The following CD44 variants were observed in gnomAD, a reference collection of about 807,000 sequenced individuals.
The protein encoded by CD44 is CD44 molecule (IN blood group).
A neutral mutation model predicts 88.8 loss-of-function variants in CD44; 49 were observed. The observed-to-expected ratio is 0.55, with a 90% CI of 0.44 to 0.70. The LOEUF is 0.70. Ranked by LOEUF, CD44 falls within the 30% of genes least tolerant of loss-of-function variation. The pLI, the probability that CD44 is intolerant of heterozygous loss-of-function variation, is 0.00. For synonymous variants in CD44, 325 were observed against 312.3 expected, an observed-to-expected ratio of 1.04 and a Z score of -0.43; for missense variants, 883 against 913.8, an observed-to-expected ratio of 0.97 and a Z score of 0.43.
chr11:35,181,935 A>G lies in CD44; in HGVS notation c.367+1528A>G, dbSNP rs376287208. On this transcript the variant is annotated intron_variant, in intron 3 of 17. Transcript: ENST00000428726. ...TATATTATATATTATATTATATATA[A>G]ATTATATATAATATATATAAATTTT... Among the ~76,000 whole-genome samples, 274 of 46,908 alleles carry G rather than the reference A, an allele frequency of 5.8e-3. 9 individuals are homozygous for G. The highest frequency in any genetic ancestry group is 0.024 in the African/African-American group (267 of 11,188). 30.8% of individuals were successfully genotyped at this position (46,908 alleles called of 152,430 possible). A position where few individuals can be genotyped will look rare whatever the true frequency, so the allele number is the denominator to read the frequency against.
At chr11:35,182,045 A>T (rs1945191811) in intron 3 of CD44, among the ~76,000 whole-genome samples, 1 of 132,648 alleles carries the variant, frequency 7.5e-6, no homozygotes. Flanking sequence ...ACATTTATAT[A>T]TATAAAATCA....
intron 14 of CD44, among the ~76,000 whole-genome samples, chr11:35,214,412 G>C (rs1158528019): frequency 6.6e-6 from 1 of 152,016 alleles, no homozygotes; most frequent in Non-Finnish European, 1.5e-5. Context: ...CATGCCCTAA[G>C]CCAGAGTATG....
chr11:35,220,316 A>T (rs766979053), intron 16 of CD44, among the ~76,000 whole-genome samples: 5 of 152,166 alleles, frequency 3.3e-5, no homozygotes, highest in Non-Finnish European at 7.4e-5. Context: ...GCTGGAAACC[A>T]GGGCCACAGT....
chr11:35,156,353 T>C (rs541147347), intron 1 of CD44, among the ~76,000 whole-genome samples: 2 of 152,168 alleles, frequency 1.3e-5, no homozygotes, highest in South Asian at 4.1e-4. Flanking sequence ...TAAATATAGT[T>C]AAAGGATTTG....
chr11:35,201,139 G>A lies in CD44; in HGVS notation c.980G>A (p.Trp327Ter), dbSNP rs766295362. The A allele has an allele frequency of 4.3e-6, 7 of 1,614,086 alleles. No individual in the cohort carries two copies. Among genetic ancestry groups the A allele is most frequent in the Non-Finnish European group, 4.2e-6 (5 of 1,179,952 alleles). ...HTKQNQDWTQ[W>*]NPSHSNPEVL... is the part of the protein sequence containing the mutation. ...AAACAGAACCAGGACTGGACCCAGT[G>A]GAACCCAAGCCATTCAAATCCGGAA... The change falls in exon 8 of 18, where the codon TGG (tryptophan) becomes TAG (stop). Residue 327 changes from tryptophan (W) to a stop codon, truncating the protein, a stop_gained. Transcript: ENST00000428726. LOFTEE classifies it high-confidence loss of function.
intron 1 of CD44, among the ~76,000 whole-genome samples, chr11:35,162,378 T>A (rs1942737144): frequency 6.6e-6 from 1 of 152,192 alleles, no homozygotes; most frequent in Non-Finnish European, 1.5e-5. Flanking sequence ...CAAGACCTTA[T>A]TTTCTTTGAC....
intron 3 of CD44, among the ~76,000 whole-genome samples, chr11:35,183,555 C>G (rs930849300): frequency 2.0e-5 from 3 of 152,266 alleles, no homozygotes; most frequent in African/African-American, 4.8e-5. Context: ...TGTGATCCCC[C>G]CCATAAAACG....
rs1041906867 is a variant in CD44, at chr11:35,176,501, G to A, written c.68-74G>A. 2.9e-5 allele frequency: 42 copies of A among 1,440,514 alleles called. 1 individual carries two copies. The highest frequency in any genetic ancestry group is 3.8e-5 in the Non-Finnish European group (40 of 1,047,652). The allele number at this position is 1,440,514 out of a possible 1,614,324, so 89.2% of individuals were successfully genotyped here. On this transcript the variant is annotated intron_variant, in intron 1 of 17. Transcript: ENST00000428726. ...CCTTATTTGACTTTTTAAGGAGTCT[G>A]TCCTAAACTGAACTTATTACTGTCT...
At chr11:35,152,012 C>T (rs1238594408) in intron 1 of CD44, among the ~76,000 whole-genome samples, 1 of 152,202 alleles carries the variant, frequency 6.6e-6, no homozygotes, top group Non-Finnish European at 1.5e-5. Context: ...ATGCCTCACC[C>T]GTGGTGGCGA....
intron 10 of CD44, among the ~76,000 whole-genome samples, chr11:35,205,154 T>TA (rs1294441962): frequency 6.6e-6 from 1 of 152,152 alleles, no homozygotes; most frequent in African/African-American, 2.4e-5. Context: ...TTTTTGAGTA[T>TA]AAAAAAGGTA....
intron 16 of CD44, among the ~76,000 whole-genome samples, chr11:35,220,275 T>C (rs1949185420): frequency 6.6e-6 from 1 of 152,066 alleles, no homozygotes; most frequent in African/African-American, 2.4e-5. Flanking sequence ...TCTTCCCAGC[T>C]CCAGTGACAG....
intron 1 of CD44, among the ~76,000 whole-genome samples, chr11:35,146,390 C>A (rs1455036565): frequency 6.6e-6 from 1 of 152,192 alleles, no homozygotes; most frequent in East Asian, 1.9e-4. Flanking sequence ...CCTGAAAGTT[C>A]ATTTGTTTTT....
Position 35,152,302 on chromosome 11 carries a change from G to A in CD44, c.67+12932G>A, listed in dbSNP as rs117248695. The stretch of plus-strand genomic sequence containing the variant: ...AGTTTCCCACTACTCATCCCCAAGG[G>A]AAAAAGTAGGCTAGCTACCTGGGCA... On this transcript the variant is annotated intron_variant, in intron 1 of 17. Transcript: ENST00000428726. Among the ~76,000 whole-genome samples the A allele has an allele frequency of 9.8e-3, 1,489 of 152,202 alleles. 11 individuals carry two copies. Among genetic ancestry groups the A allele is most frequent in the Non-Finnish European group, 0.016 (1,111 of 67,998 alleles).
In CD44 at chr11:35,169,635, A is replaced by G. The variant is rs190006874; in HGVS notation, c.68-6940A>G. Among the ~76,000 whole-genome samples the G allele has an allele frequency of 2.6e-5, 4 of 152,360 alleles. No homozygotes were observed. In the East Asian group the frequency reaches 5.8e-4, roughly 22 times the overall value. ...TTACACAGTGCTCTCTTCCCAGCAC[A>G]TGTTGTGATTTTCTACAACTTCAGA... On this transcript the variant is annotated intron_variant, in intron 1 of 17. Coordinates refer to ENST00000428726, the MANE Select transcript of CD44 (RefSeq NM_000610.4).
At chr11:35,219,147 G>T in intron 15 of CD44, 169 bp from the exon 16 acceptor site, 2 of 610,908 alleles carry the variant, frequency 3.3e-6, no homozygotes, top group Non-Finnish European at 5.9e-6. Context: ...AATCAAATGA[G>T]GTGGGGGGGA....
In CD44 at chr11:35,198,216, G is replaced by A. The variant is rs1946949050; in HGVS notation, c.892G>A (p.Asp298Asn). 1 of 1,613,886 alleles carries A rather than the reference G, an allele frequency of 6.2e-7. No individual in the cohort carries two copies. Among genetic ancestry groups the A allele is most frequent in the South Asian group, 1.1e-5 (1 of 91,072 alleles). The change falls in exon 7 of 18, where the codon GAT becomes AAT. Residue 298 changes from aspartate to asparagine, a missense_variant. Physicochemically the swap from Asp to Asn is conservative, Grantham distance 23. Transcript: ENST00000428726. ...CCTCAGTTTTTCTGGATCAGGCATT[G>A]ATGATGATGAAGATTTTATCTCCAG... ...RHLSFSGSGIDDDEDFISSTI... is the reference protein window; with the variant it reads ...RHLSFSGSGINDDEDFISSTI...
chr11:35,194,726 C>T (rs551614787), intron 5 of CD44, among the ~76,000 whole-genome samples: 2 of 152,198 alleles, frequency 1.3e-5, no homozygotes, highest in African/African-American at 2.4e-5. Flanking sequence ...CTTAAATGTC[C>T]TGTATGTTTT....
chr11:35,199,970 A>C (rs1200402841), intron 7 of CD44, among the ~76,000 whole-genome samples: 1 of 81,310 alleles, frequency 1.2e-5, no homozygotes, highest in Non-Finnish European at 2.9e-5. Context: ...TTAATTTTTT[A>C]AATCTCTATG....
intron 1 of CD44, among the ~76,000 whole-genome samples, chr11:35,166,242 C>T (rs1943245552): frequency 1.3e-5 from 2 of 152,230 alleles, no homozygotes; most frequent in African/African-American, 4.8e-5. Flanking sequence ...CATGGCAACA[C>T]ACAGGGGTGG....
Sources: allele counts gnomAD v4.1 joint callset (sites outside exome capture counted in the v4.1 genomes callset), GRCh38; gene constraint gnomAD v4.1.1; transcripts MANE v1.5; gene names NCBI Gene and HGNC (gene_info 2026-07-23, HGNC 2026-07-21).